The following GRB14 variants were observed in gnomAD, a reference collection of about 807,000 sequenced individuals.
GRB14 encodes growth factor receptor bound protein 14, also known as growth factor receptor-bound protein 14.
In GRB14, 38 loss-of-function variants were observed where a neutral mutation model predicts 69.1. The observed-to-expected ratio is 0.55, with a 90% confidence interval of 0.42 to 0.72. The LOEUF is 0.72. GRB14 is among the 30% of genes least tolerant of loss of function. The pLI is 0.00. For missense variants in GRB14, 666 were observed against 666.1 expected (o/e 1.00, Z 0.00); for synonymous variants, 247 against 241.3 (o/e 1.02, Z -0.22).
In GRB14 at chr2:164,493,044, C is replaced by T. The variant is rs528452479; in HGVS notation, c.1615G>A (p.Ala539Thr). The T allele has an allele frequency of 1.9e-6, 3 of 1,612,250 alleles. No homozygotes were observed. The highest frequency in any genetic ancestry group is 2.2e-5 in the South Asian group (2 of 90,824). Residue 539 changes from alanine to threonine, a missense_variant, in exon 14 of 14, where the codon GCT (alanine) becomes ACT (threonine). Physicochemically the swap from Ala to Thr is moderately conservative, Grantham distance 58. Coordinates refer to ENST00000263915, the MANE Select transcript of GRB14 (RefSeq NM_004490.3). ...AGTCACTTCTGGCTTGTCTAGAGAGCAATCCTAGCACAATAATGTTTCAAC... is the reference window on the plus strand; with the variant it reads ...AGTCACTTCTGGCTTGTCTAGAGAGTAATCCTAGCACAATAATGTTTCAAC... Reference protein sequence around the residue: ...CKLKHYCARIAL With the variant: ...CKLKHYCARITL
chr2:164,515,707 A>G (rs1221692154), intron 6 of GRB14, among the ~76,000 whole-genome samples: 1 of 152,080 alleles, frequency 6.6e-6, no homozygotes, highest in Admixed American at 6.6e-5. Context: ...ATCCAAACCA[A>G]GAAGAAATCT....
At chr2:164,590,092 T>G (rs1475490915) in intron 2 of GRB14, among the ~76,000 whole-genome samples, 1 of 152,152 alleles carries the variant, frequency 6.6e-6, no homozygotes, top group Non-Finnish European at 1.5e-5. Flanking sequence ...TTTCCACATA[T>G]GAATTTGCAG....
At chr2:164,498,114 T>C (rs2105256471) in intron 9 of GRB14, among the ~76,000 whole-genome samples, 1 of 152,250 alleles carries the variant, frequency 6.6e-6, no homozygotes, top group South Asian at 2.1e-4. Context: ...ACTTAGAAAA[T>C]AAAATTTAGT....
Position 164,617,963 on chromosome 2 carries a change from G to T in GRB14, c.324+1724C>A, listed in dbSNP as rs866284889. Among the ~76,000 whole-genome samples the T allele has an allele frequency of 2.8e-3, 358 of 127,572 alleles. 7 individuals are homozygous for T. Among genetic ancestry groups the T allele is most frequent in the African/African-American group, 8.7e-3 (296 of 34,142 alleles). The allele number at this position is 127,572 out of a possible 152,430, so 83.7% of individuals were successfully genotyped here. ...GACAAGCCAGAATCTTTTTTTTGGG[G>T]GGGGGGGGGTAGTGTCAGCGGGGGA... On this transcript the variant is annotated intron_variant, in intron 2 of 13. Coordinates refer to ENST00000263915, the MANE Select transcript of GRB14 (RefSeq NM_004490.3).
At chr2:164,525,808 G>T (rs975355793) in intron 4 of GRB14, among the ~76,000 whole-genome samples, 2 of 151,848 alleles carry the variant, frequency 1.3e-5, no homozygotes, top group Non-Finnish European at 2.9e-5. Context: ...TCTGTGTTGA[G>T]GGGGGGCACT....
intron 9 of GRB14, among the ~76,000 whole-genome samples, chr2:164,500,658 C>T (rs1025999734): frequency 1.3e-5 from 2 of 152,066 alleles, no homozygotes; most frequent in African/African-American, 2.4e-5. Context: ...TTCTCACATA[C>T]TACTGTATCT....
chr2:164,545,680 C>A (rs1023360755), intron 3 of GRB14, among the ~76,000 whole-genome samples: 1 of 152,140 alleles, frequency 6.6e-6, no homozygotes, highest in Non-Finnish European at 1.5e-5. Context: ...ACAGCAACCA[C>A]AGGAAACTAA....
rs146522059 is a variant in GRB14, at chr2:164,517,017, C to T, written c.816+4963G>A. 1.9e-3 allele frequency among the ~76,000 whole-genome samples: 290 copies of T among 152,166 alleles called. 1 individual carries two copies. In the Middle Eastern group the frequency reaches 0.021, roughly 11 times the overall value. On this transcript the variant is annotated intron_variant, in intron 6 of 13. Coordinates refer to ENST00000263915, the MANE Select transcript of GRB14 (RefSeq NM_004490.3). The stretch of plus-strand genomic sequence containing the variant: ...CAGCCTGGGTGACAGAGCAAGACTC[C>T]ATCTGTATTAGCCTGTTTTCATGCT...
chr2:164,525,024 A>T lies in GRB14; in HGVS notation c.658T>A (p.Ser220Thr), dbSNP rs1461585716. ...SFATETNGEI[S>T]PTQILQMFLS... ...TTTACCTGCAAAATCTGTGTGGGGG[A>T]TATTTCACCATTGGTTTCAGTTGCA... Residue 220 changes from serine to threonine, a missense_variant, in exon 5 of 14, where the codon TCC (serine) becomes ACC (threonine). Ser to Thr is a moderately conservative substitution (Grantham distance 58, BLOSUM62 1). Coordinates refer to ENST00000263915, the MANE Select transcript of GRB14 (RefSeq NM_004490.3). 2 of 1,584,726 alleles carry T rather than the reference A, an allele frequency of 1.3e-6. No individual in the cohort carries two copies. The highest frequency in any genetic ancestry group is 4.6e-5 in the East Asian group (2 of 43,952).
At chr2:164,589,841 A>G (rs550227433) in intron 2 of GRB14, among the ~76,000 whole-genome samples, 3 of 152,258 alleles carry the variant, frequency 2.0e-5, no homozygotes, top group East Asian at 1.9e-4. Context: ...ATAAGCAACA[A>G]AAGTTTCTTT....
intron 9 of GRB14, among the ~76,000 whole-genome samples, chr2:164,501,778 G>T (rs1687059473): frequency 6.6e-6 from 1 of 151,964 alleles, no homozygotes; most frequent in Non-Finnish European, 1.5e-5. Context: ...GCTCACATGT[G>T]TATACTGTAG....
intron 2 of GRB14, among the ~76,000 whole-genome samples, chr2:164,548,815 T>A (rs951435356): frequency 6.6e-6 from 1 of 152,216 alleles, no homozygotes; most frequent in African/African-American, 2.4e-5. Flanking sequence ...TGATTGGTGA[T>A]GTTGACCACC....
chr2:164,617,599 C>G (rs1287801736), intron 2 of GRB14, among the ~76,000 whole-genome samples: 1 of 152,114 alleles, frequency 6.6e-6, no homozygotes, highest in East Asian at 1.9e-4. Context: ...ACCAACACCT[C>G]TTCTCACTTT....
chr2:164,621,211 C>T lies in GRB14; in HGVS notation c.99G>A (p.Arg33=). ...CCGGCGCCAGGTCGTGGGCGTCGCC[C>T]CTCCCCTGGGCAGCGCCACACACCT... ...AAQVCGAAQG[R]GDAHDLAPAP... Residue 33 remains arginine (R), a synonymous_variant, in exon 1 of 14, where the codon AGG becomes AGA. Transcript: ENST00000263915. This position sits in a 1 kb window ranked among gnomAD's most constrained non-coding sequence, Gnocchi z 6.0. 1.6e-6 allele frequency: 2 copies of T among 1,246,350 alleles called. No homozygotes were observed. The highest frequency in any genetic ancestry group is 2.0e-6 in the Non-Finnish European group (2 of 991,688). The allele number at this position is 1,246,350 out of a possible 1,614,324, so 77.2% of individuals were successfully genotyped here. A position where few individuals can be genotyped will look rare whatever the true frequency, so the allele number is the denominator to read the frequency against.
intron 3 of GRB14, among the ~76,000 whole-genome samples, chr2:164,537,350 A>G (rs1176245395): frequency 1.3e-5 from 2 of 152,216 alleles, no homozygotes; most frequent in Non-Finnish European, 2.9e-5. Flanking sequence ...CCAAGTAAAG[A>G]TGGACAGGAA....
Position 164,527,013 on chromosome 2 carries a change from C to T in GRB14, c.603+1G>A. ...TAACTATTAGGAGGGATTTCACTTA[C>T]CATTGGGTTTTTAAAGAACTCATAT... is the stretch of plus-strand genomic sequence containing the variant. On this transcript the variant is annotated splice_donor_variant, in intron 4 of 13. Coordinates refer to ENST00000263915, the MANE Select transcript of GRB14 (RefSeq NM_004490.3). LOFTEE classifies it high-confidence loss of function. 6.4e-7 allele frequency: 1 copy of T among 1,572,844 alleles called. No individual in the cohort carries two copies. Among genetic ancestry groups the T allele is most frequent in the Non-Finnish European group, 8.7e-7 (1 of 1,154,488 alleles).
intron 2 of GRB14, among the ~76,000 whole-genome samples, chr2:164,617,506 T>C (rs1690326117): frequency 6.6e-6 from 1 of 152,198 alleles, no homozygotes; most frequent in Non-Finnish European, 1.5e-5. Context: ...GTCTGATGAC[T>C]ATCCACACTT....
chr2:164,505,619 C>T (rs762537269), intron 8 of GRB14, among the ~76,000 whole-genome samples: 1 of 152,032 alleles, frequency 6.6e-6, no homozygotes, highest in Non-Finnish European at 1.5e-5. Context: ...TTAATGTATT[C>T]TACTTATATA....
intron 2 of GRB14, among the ~76,000 whole-genome samples, chr2:164,585,940 A>G (rs1168986295): frequency 6.6e-6 from 1 of 152,350 alleles, no homozygotes; most frequent in East Asian, 1.9e-4. Flanking sequence ...AGCACAGATT[A>G]TAAGTGAAGT....
Sources: allele counts gnomAD v4.1 joint callset (sites outside exome capture counted in the v4.1 genomes callset), GRCh38; gene constraint gnomAD v4.1.1; non-coding constraint Gnocchi (gnomAD v3.1); transcripts MANE v1.5; gene names NCBI Gene and HGNC (gene_info 2026-07-23, HGNC 2026-07-21).